Variants in KLF7 observed in about 807,000 individuals in gnomAD.
KLF7 encodes the protein Krueppel-like factor 7.
Under a neutral mutation model 27.3 loss-of-function variants are expected in KLF7, and 2 were observed. That is an observed-to-expected ratio of 0.07 (90% CI 0.03 to 0.23). KLF7 has a LOEUF of 0.23. Ranked by LOEUF, KLF7 falls within the 10% of genes least tolerant of loss-of-function variation. The pLI is 1.00. For synonymous variants in KLF7, 165 were observed against 162.4 expected (o/e 1.02, Z -0.12); for missense variants, 221 against 394.1 (o/e 0.56, Z 3.72).
At chr2:207,084,931 G>GGTGGGTGGA (rs1386367328) in intron 3 of KLF7, among the ~76,000 whole-genome samples, 2 of 152,020 alleles carry the variant, frequency 1.3e-5, no homozygotes, top group Non-Finnish European at 2.9e-5. Context: ...GGGAGGCTGA[G>GGTGGGTGGA]GTGGGTGGAT....
chr2:207,134,906 C>T (rs10166040), intron 1 of KLF7, among the ~76,000 whole-genome samples: 6,372 of 152,218 alleles, frequency 0.042, 220 homozygotes, highest in Admixed American at 0.12. Flanking sequence ...AATTGACATG[C>T]CAAGTACTTG....
At chr2:207,112,081 G>C (rs12694077) in intron 2 of KLF7, among the ~76,000 whole-genome samples, 19,431 of 150,824 alleles carry the variant, frequency 0.13, 1,491 homozygotes, top group Middle Eastern at 0.22. Flanking sequence ...CCCTCTCAAA[G>C]TCAGAATATA....
chr2:207,165,808 G>A lies in KLF7; in HGVS notation c.-240C>T. ...GAGAGAGGCATCCAGCGTGTACAGT[G>A]CAGACGACTGCCAGGAAAAGGGGAC... On this transcript the variant is annotated 5_prime_UTR_variant, in exon 1 of 4. Coordinates refer to ENST00000309446, the MANE Select transcript of KLF7 (RefSeq NM_003709.4). 1 of 1,355,684 alleles carries A rather than the reference G, an allele frequency of 7.4e-7. No individual in the cohort carries two copies. The highest frequency in any genetic ancestry group is 1.9e-5 in the South Asian group (1 of 52,094). 84.0% of individuals were successfully genotyped at this position (1,355,684 alleles called of 1,614,324 possible).
chr2:207,082,652 C>G (rs545603687), intron 3 of KLF7, among the ~76,000 whole-genome samples: 1 of 152,254 alleles, frequency 6.6e-6, no homozygotes, highest in Admixed American at 6.5e-5. Flanking sequence ...TGTATGCTCT[C>G]CCCCTGGATC....
At position 207,149,088 on chromosome 2, in the gene KLF7, C is replaced by T. The variant is rs1415137296; in HGVS notation, c.102+16379G>A. 5 of 1,261,168 alleles carry T rather than the reference C, an allele frequency of 4.0e-6. No homozygotes were observed. In the African/African-American group the frequency reaches 7.8e-5, roughly 20 times the overall value. The allele number at this position is 1,261,168 out of a possible 1,614,324, so 78.1% of individuals were successfully genotyped here. Reference sequence around the variant, plus strand: ...CTAAAGGATGCAGTTTCCATCAGCTCTTAGGGACTGATAAATCTGTCTTTT... The same window carrying T: ...CTAAAGGATGCAGTTTCCATCAGCTTTTAGGGACTGATAAATCTGTCTTTT... On this transcript the variant is annotated intron_variant, in intron 1 of 3. Coordinates refer to ENST00000309446, the MANE Select transcript of KLF7 (RefSeq NM_003709.4).
In KLF7 at chr2:207,134,154, A is replaced by ATTTTTTTT. The variant is rs35538720; in HGVS notation, c.103-9758_103-9751dup. On this transcript the variant is annotated intron_variant, in intron 1 of 3. Coordinates refer to ENST00000309446, the MANE Select transcript of KLF7 (RefSeq NM_003709.4). ...GCACAGGCTGACTCGGGCTACTGGG[A>ATTTTTTTT]TTTTTTTTTTTTTTTTTTTTTAAAG... is the stretch of plus-strand genomic sequence containing the variant. The ATTTTTTTT allele has an allele frequency of 3.4e-3, 3,832 of 1,140,330 alleles. 20 individuals carry two copies. Among genetic ancestry groups the ATTTTTTTT allele is most frequent in the South Asian group, 0.011 (556 of 51,994 alleles). The allele number at this position is 1,140,330 out of a possible 1,614,324, so 70.6% of individuals were successfully genotyped here.
intron 2 of KLF7, among the ~76,000 whole-genome samples, chr2:207,099,356 G>A (rs2076702767): frequency 6.6e-6 from 1 of 151,792 alleles, no homozygotes; most frequent in Non-Finnish European, 1.5e-5. Flanking sequence ...CAGGTGGGGA[G>A]GGGAGACTAA....
At chr2:207,138,748 G>C (rs1224928919) in intron 1 of KLF7, among the ~76,000 whole-genome samples, 6 of 152,140 alleles carry the variant, frequency 3.9e-5, no homozygotes, top group African/African-American at 1.2e-4. Flanking sequence ...TAATTAACCT[G>C]AACCACATAC....
upstream of KLF7, among the ~76,000 whole-genome samples, chr2:207,169,505 A>C (rs1266066137): frequency 6.6e-6 from 1 of 152,256 alleles, no homozygotes; most frequent in East Asian, 1.9e-4. Context: ...ACTTTATTTG[A>C]AAATAAAACT....
chr2:207,165,679 C>T lies in KLF7; in HGVS notation c.-111G>A, dbSNP rs575351361. ...CCCCAAGAAGGCAGACATCCAGTGG[C>T]CCTTTTGTTTTGTTTTGTTTCAGTC... On this transcript the variant is annotated 5_prime_UTR_variant, in exon 1 of 4. Coordinates refer to ENST00000309446, the MANE Select transcript of KLF7 (RefSeq NM_003709.4). The T allele has an allele frequency of 7.1e-6, 11 of 1,543,976 alleles. No homozygotes were observed. Among genetic ancestry groups the T allele is most frequent in the Admixed American group, 4.3e-5 (2 of 46,714 alleles).
At chr2:207,134,175 T>TTTTTTA (rs10681871) in intron 1 of KLF7, 7 of 1,360,534 alleles carry the variant, frequency 5.1e-6, no homozygotes, top group African/African-American at 1.5e-5. Context: ...TTTTTTTTTT[T>TTTTTTA]AAAGCAAACT....
At chr2:207,164,835 A>G (rs540810425) in intron 1 of KLF7, among the ~76,000 whole-genome samples, 5 of 152,326 alleles carry the variant, frequency 3.3e-5, no homozygotes, top group African/African-American at 1.2e-4. Context: ...GGGAAAACCT[A>G]CAATTCATTG....
At chr2:207,132,042 A>C (rs535942843) in intron 1 of KLF7, among the ~76,000 whole-genome samples, 1 of 152,344 alleles carries the variant, frequency 6.6e-6, no homozygotes, top group South Asian at 2.1e-4. Context: ...CTAACAAGAT[A>C]TTAAGCATAT....
intron 1 of KLF7, among the ~76,000 whole-genome samples, chr2:207,126,904 A>C (rs768688735): frequency 1.3e-5 from 2 of 151,728 alleles, no homozygotes; most frequent in Non-Finnish European, 2.9e-5. Flanking sequence ...ATACTCAATC[A>C]TCACTGCCTG....
intron 1 of KLF7, among the ~76,000 whole-genome samples, chr2:207,149,925 C>T (rs1440796929): frequency 1.3e-5 from 2 of 152,094 alleles, no homozygotes; most frequent in African/African-American, 2.4e-5. Context: ...AAGTCCAGGA[C>T]TTCCTATCCA....
chr2:207,108,737 T>A (rs1401033099), intron 2 of KLF7, among the ~76,000 whole-genome samples: 2 of 152,210 alleles, frequency 1.3e-5, no homozygotes, highest in East Asian at 3.8e-4. Flanking sequence ...AATGAATAGA[T>A]TTACAATTCC....
chr2:207,091,037 T>C (rs1298559398), intron 2 of KLF7, among the ~76,000 whole-genome samples: 1 of 152,106 alleles, frequency 6.6e-6, no homozygotes, highest in South Asian at 2.1e-4. Flanking sequence ...GGAAATTCCA[T>C]GAAATTCTAC....
At position 207,163,875 on chromosome 2, in the gene KLF7, A is replaced by C. The variant is rs188840365; in HGVS notation, c.102+1592T>G. 2.0e-3 allele frequency among the ~76,000 whole-genome samples: 308 copies of C among 152,388 alleles called. 1 individual carries two copies. Among genetic ancestry groups the C allele is most frequent in the African/African-American group, 7.3e-3 (303 of 41,600 alleles). ...AGCATTGGAAATAAAAGGAAGAAAA[A>C]GATCCAGTGAGACCCTTCATGAGAC... is the stretch of plus-strand genomic sequence containing the variant. On this transcript the variant is annotated intron_variant, in intron 1 of 3. Transcript: ENST00000309446.
chr2:207,160,653 A>G (rs2078520623), intron 1 of KLF7, among the ~76,000 whole-genome samples: 1 of 152,250 alleles, frequency 6.6e-6, no homozygotes, highest in Non-Finnish European at 1.5e-5. Flanking sequence ...TTGTACTCCA[A>G]AAGTTAAAAC....
Sources: gnomAD v4.1 joint callset for allele counts (sites outside exome capture counted in the v4.1 genomes callset) on GRCh38, gnomAD v4.1.1 for gene constraint, MANE v1.5 for transcripts, NCBI Gene and HGNC (gene_info 2026-07-23, HGNC 2026-07-21) for gene names.